RPN1: variants seen among roughly 807,000 people sequenced by gnomAD.
RPN1 encodes the protein ribophorin I, also known as dolichyl-diphosphooligosaccharide--protein glycosyltransferase subunit 1.
RPN1 carries 12 observed loss-of-function variants against 55.5 expected under a neutral mutation model. The observed-to-expected ratio is 0.22, with a 90% confidence interval of 0.14 to 0.35. RPN1 has a LOEUF of 0.35. RPN1 is among the 10% of genes least tolerant of loss of function. RPN1 has a pLI of 1.00. For synonymous variants in RPN1, 317 were observed against 305.9 expected (o/e 1.04, Z -0.38); for missense variants, 679 against 761.3 (o/e 0.89, Z 1.27).
At position 128,626,952 on chromosome 3, in the gene RPN1, G is replaced by C. The variant is rs1354728156; in HGVS notation, c.1037-120C>G. On this transcript the variant is annotated intron_variant, in intron 5 of 9. Transcript: ENST00000296255. Reference sequence around the variant, plus strand: ...GTAGACAGCAAAACCAAAAACCCACGGACCATGTTTACAACAAAACCAGGC... The same window carrying C: ...GTAGACAGCAAAACCAAAAACCCACCGACCATGTTTACAACAAAACCAGGC... 1.4e-5 allele frequency: 11 copies of C among 812,516 alleles called. 1 individual carries two copies. The South Asian group carries it at 1.7e-4, about 12-fold the overall frequency. The allele number at this position is 812,516 out of a possible 1,614,324, so 50.3% of individuals were successfully genotyped here. A position where few individuals can be genotyped will look rare whatever the true frequency, so the allele number is the denominator to read the frequency against.
intron 2 of RPN1, 124 bp from the exon 3 acceptor site, chr3:128,638,229 T>C (rs2069695887): frequency 2.1e-5 from 14 of 682,604 alleles, no homozygotes; most frequent in Non-Finnish European, 3.4e-5. Context: ...AGAGATCACC[T>C]TTTCCTTTTT....
Position 128,625,524 on chromosome 3 carries a change from G to C in RPN1, c.1395+10C>G, listed in dbSNP as rs745341480. On this transcript the variant is annotated intron_variant, in intron 8 of 9. Transcript: ENST00000296255. ...ACAAATGACAAGCAGGAAGAAGGCA[G>C]AGACGGTACCTTGGTGATGGAGAAG... The C allele has an allele frequency of 6.2e-7, 1 of 1,614,090 alleles. No homozygotes were observed. Among genetic ancestry groups the C allele is most frequent in the Non-Finnish European group, 8.5e-7 (1 of 1,180,024 alleles).
At chr3:128,631,708 C>T (rs1269487392) in intron 4 of RPN1, among the ~76,000 whole-genome samples, 2 of 152,118 alleles carry the variant, frequency 1.3e-5, no homozygotes, top group Non-Finnish European at 2.9e-5. Context: ...CGCCACTATG[C>T]TCCAGCCTGG....
chr3:128,630,171 A>G (rs909157840), intron 4 of RPN1, 28 bp from the exon 5 acceptor site: 3 of 1,520,128 alleles, frequency 2.0e-6, no homozygotes, highest in Non-Finnish European at 2.7e-6. Context: ...TGCCCTTCTA[A>G]AACTCCAGGA....
chr3:128,648,169 G>A (rs1457584302), intron 1 of RPN1, among the ~76,000 whole-genome samples: 1 of 152,082 alleles, frequency 6.6e-6, no homozygotes, highest in Non-Finnish European at 1.5e-5. Flanking sequence ...CGAGGTGGGC[G>A]GATCATGAGG....
intron 1 of RPN1, among the ~76,000 whole-genome samples, chr3:128,647,184 G>A (rs1457420872): frequency 6.6e-6 from 1 of 152,000 alleles, no homozygotes; most frequent in Non-Finnish European, 1.5e-5. Flanking sequence ...ATATCCCACT[G>A]ATCTCTCTGC....
chr3:128,639,424 A>G (rs2107719505), intron 2 of RPN1, among the ~76,000 whole-genome samples: 1 of 148,360 alleles, frequency 6.7e-6, no homozygotes, highest in African/African-American at 2.5e-5. Flanking sequence ...ACTGCACTCC[A>G]GCCGGGCGAC....
Position 128,638,583 on chromosome 3 carries a change from G to A in RPN1, c.327-478C>T, listed in dbSNP as rs141831892. 3.5e-3 allele frequency among the ~76,000 whole-genome samples: 528 copies of A among 152,234 alleles called. 1 individual carries two copies. The highest frequency in any genetic ancestry group is 0.027 in the Middle Eastern group (8 of 294). On this transcript the variant is annotated intron_variant, in intron 2 of 9. Transcript: ENST00000296255. ...CAACTTCCACCTCCCAGGTTCAAGA[G>A]ATTCTATTGCCTCAGCCTCCCGAGT...
rs1287434151 is a variant in RPN1 at position 128,620,226 on chromosome 3, AAAG to A, written c.*182_*184del. ...GTTTTCTTTTTTTAAAAAAAAAAAA[AAAG>A]AAAGTTAAGGACAAACGGCAAACTC... is the stretch of plus-strand genomic sequence containing the variant. On this transcript the variant is annotated 3_prime_UTR_variant, in exon 10 of 10. Coordinates refer to ENST00000296255, the MANE Select transcript of RPN1 (RefSeq NM_002950.4). 2.0e-4 allele frequency: 83 copies of A among 407,098 alleles called. No homozygotes were observed. The highest frequency in any genetic ancestry group is 1.5e-3 in the African/African-American group (73 of 48,844). 25.2% of individuals were successfully genotyped at this position (407,098 alleles called of 1,614,324 possible).
intron 3 of RPN1, among the ~76,000 whole-genome samples, chr3:128,637,073 C>A (rs557471597): frequency 5.9e-5 from 9 of 151,914 alleles, no homozygotes; most frequent in African/African-American, 1.9e-4. Flanking sequence ...CCCGTCTCTA[C>A]AACAAAAATA....
chr3:128,622,173 C>T lies in RPN1; in HGVS notation c.1632G>A (p.Leu544=). The T allele has an allele frequency of 6.2e-7, 1 of 1,614,182 alleles. No individual in the cohort carries two copies. Among genetic ancestry groups the T allele is most frequent in the Non-Finnish European group, 8.5e-7 (1 of 1,180,006 alleles). Residue 544 remains leucine (L), a synonymous_variant, in exon 9 of 10, where the codon CTG becomes CTA. Coordinates refer to ENST00000296255, the MANE Select transcript of RPN1 (RefSeq NM_002950.4). ...GACGCCCGACACTTACTCTGTCGCA[C>T]AGATCAGAGCCCTCTGTCTTCAGCC... The part of the protein sequence containing the change: ...QSRLKTEGSD[L]CDRVSEMQKL...
At chr3:128,626,176 CAG>C (rs1055889594) in intron 6 of RPN1, among the ~76,000 whole-genome samples, 164 bp from the exon 7 acceptor site, 11 of 152,196 alleles carry the variant, frequency 7.2e-5, no homozygotes, top group African/African-American at 2.7e-4. Context: ...TCTCTTGAGA[CAG>C]GGGAGCCAGT....
chr3:128,620,692 A>C, intron 9 of RPN1, 99 bp from the exon 10 acceptor site: 1 of 1,274,552 alleles, frequency 7.8e-7, no homozygotes, highest in Non-Finnish European at 1.1e-6. Context: ...AGAGCTCCAC[A>C]GGTATCAGCC....
At chr3:128,628,650 A>G (rs2107714880) in intron 5 of RPN1, among the ~76,000 whole-genome samples, 1 of 152,176 alleles carries the variant, frequency 6.6e-6, no homozygotes, top group East Asian at 1.9e-4. Flanking sequence ...TCCTGAGTGC[A>G]AGCAATCCTC....
chr3:128,625,438 C>T, intron 8 of RPN1, 96 bp downstream of exon 8: 2 of 1,575,784 alleles, frequency 1.3e-6, no homozygotes, highest in Non-Finnish European at 1.7e-6. Context: ...TTGGCCATGG[C>T]GTCCTGCCCT....
In RPN1 at chr3:128,644,784, CCT is replaced by C. The variant is rs1222674325; in HGVS notation, c.326+133_326+134del. On this transcript the variant is annotated intron_variant, in intron 2 of 9. Coordinates refer to ENST00000296255, the MANE Select transcript of RPN1 (RefSeq NM_002950.4). ...GACCAGCCTGGGCAACATAGCTAGACCTCCTCTCTACAAAAAAAAAACCCTGT... is the reference window on the plus strand; with the variant it reads ...GACCAGCCTGGGCAACATAGCTAGACCCTCTCTACAAAAAAAAAACCCTGT... 74 of 654,306 alleles carry C rather than the reference CCT, an allele frequency of 1.1e-4. No individual in the cohort carries two copies. In the African/African-American group the frequency reaches 1.3e-3, roughly 11 times the overall value. 40.5% of individuals were successfully genotyped at this position (654,306 alleles called of 1,614,324 possible). A position where few individuals can be genotyped will look rare whatever the true frequency, so the allele number is the denominator to read the frequency against.
intron 2 of RPN1, among the ~76,000 whole-genome samples, chr3:128,639,709 TC>T (rs920052820): frequency 6.6e-6 from 1 of 151,696 alleles, no homozygotes; most frequent in African/African-American, 2.4e-5. Flanking sequence ...TACCTGAGCC[TC>T]CCCAGTAGCT....
chr3:128,649,481 A>G (rs548884464), intron 1 of RPN1, among the ~76,000 whole-genome samples: 1 of 152,378 alleles, frequency 6.6e-6, no homozygotes, highest in South Asian at 2.1e-4. Flanking sequence ...AACGCATGAA[A>G]GAAAATAGGA....
At chr3:128,626,117 A>C (rs1053317301) in intron 6 of RPN1, 105 bp from the exon 7 acceptor site, 109 of 1,120,964 alleles carry the variant, frequency 9.7e-5, no homozygotes, top group Non-Finnish European at 1.2e-4. Context: ...AGATCACTAA[A>C]TTCACACTCC....
Sources: allele counts gnomAD v4.1 joint callset (sites outside exome capture counted in the v4.1 genomes callset), GRCh38; gene constraint gnomAD v4.1.1; transcripts MANE v1.5; gene names NCBI Gene and HGNC (gene_info 2026-07-23, HGNC 2026-07-21).